Variants in APCDD1L observed in about 807,000 individuals in gnomAD.
APCDD1L encodes the protein APC down-regulated 1 like.
Under a neutral mutation model 24.2 loss-of-function variants are expected in APCDD1L, and 21 were observed. The ratio of observed to expected loss-of-function variants is 0.87; its 90% CI spans 0.61 to 1.25. APCDD1L has a LOEUF of 1.25. Among genes scored for constraint, APCDD1L ranks in the 50% most tolerant of loss-of-function variants. The probability of loss-of-function intolerance (pLI) is 0.00; values close to 1 mark genes in which losing one functional copy is unlikely to be tolerated. For missense variants in APCDD1L, 704 were observed against 711.7 expected (o/e 0.99, Z 0.12); for synonymous variants, 321 against 323.6 (o/e 0.99, Z 0.09).
intron 2 of APCDD1L, among the ~76,000 whole-genome samples, chr20:58,469,824 A>G (rs962037242): frequency 2.0e-5 from 3 of 152,234 alleles, no homozygotes; most frequent in African/African-American, 7.2e-5. Context: ...CCTTGACCCC[A>G]GAATGGGACT....
intron 1 of APCDD1L, among the ~76,000 whole-genome samples, chr20:58,512,135 G>T (rs541691832): frequency 3.3e-5 from 5 of 152,192 alleles, no homozygotes; most frequent in Non-Finnish European, 5.9e-5. Flanking sequence ...GCCGCCATGC[G>T]GACATGTTCA....
At position 58,497,673 on chromosome 20, in the gene APCDD1L, T is replaced by G. The variant is rs1190965616; in HGVS notation, c.49+16986A>C. Among the ~76,000 whole-genome samples, 1 of 152,102 alleles carries G rather than the reference T, an allele frequency of 6.6e-6. No homozygotes were observed. Among genetic ancestry groups the G allele is most frequent in the Non-Finnish European group, 1.5e-5 (1 of 68,018 alleles). The stretch of plus-strand genomic sequence containing the variant: ...CCACCTGAATGGCCTCATTTTAACT[T>G]GATGACCTCTGCAAAGACCCTGTCT... On this transcript the variant is annotated intron_variant, in intron 1 of 3. Coordinates refer to ENST00000371149, the MANE Select transcript of APCDD1L (RefSeq NM_153360.3). The surrounding 1 kb of genome is among the most constrained non-coding windows in gnomAD (Gnocchi z 4.3).
chr20:58,506,144 C>T (rs1390503495), intron 1 of APCDD1L, among the ~76,000 whole-genome samples: 10 of 152,124 alleles, frequency 6.6e-5, no homozygotes, highest in Admixed American at 5.9e-4. Flanking sequence ...CACCTAGTAC[C>T]GTCCTAGCCA....
In APCDD1L at chr20:58,471,697, A is replaced by C. The variant is rs143099167; in HGVS notation, c.50-950T>G. Among the ~76,000 whole-genome samples the C allele has an allele frequency of 1.9e-3, 289 of 152,334 alleles. 9 individuals are homozygous for C. In the South Asian group the frequency reaches 0.031, roughly 16 times the overall value. On this transcript the variant is annotated intron_variant, in intron 1 of 3. Coordinates refer to ENST00000371149, the MANE Select transcript of APCDD1L (RefSeq NM_153360.3). Reference sequence around the variant, plus strand: ...GCTCTCCCAGAAACTGTCATCTCCAATCAGGGCTGATGGGCTTGAGATGGC... The same window carrying C: ...GCTCTCCCAGAAACTGTCATCTCCACTCAGGGCTGATGGGCTTGAGATGGC...
Position 58,494,032 on chromosome 20 carries a change from G to T in APCDD1L, c.49+20627C>A, listed in dbSNP as rs982728980. The stretch of plus-strand genomic sequence containing the variant: ...TTACAATAAAGTGAGCTAGAGAAAA[G>T]GTTATTGACAAAATCATAAGGAAGA... On this transcript the variant is annotated intron_variant, in intron 1 of 3. Coordinates refer to ENST00000371149, the MANE Select transcript of APCDD1L (RefSeq NM_153360.3). The surrounding 1 kb of genome is among the most constrained non-coding windows in gnomAD (Gnocchi z 4.8). Among the ~76,000 whole-genome samples, 6 of 152,130 alleles carry T rather than the reference G, an allele frequency of 3.9e-5. No homozygotes were observed. The highest frequency in any genetic ancestry group is 6.5e-5 in the Admixed American group (1 of 15,288).
chr20:58,472,580 A>G (rs997788254), intron 1 of APCDD1L, among the ~76,000 whole-genome samples: 4 of 152,244 alleles, frequency 2.6e-5, no homozygotes, highest in Non-Finnish European at 5.9e-5. Flanking sequence ...GTATGAGTAC[A>G]AATGCTGGTG....
At position 58,515,153 on chromosome 20, in the gene APCDD1L, G is replaced by A. The variant is rs1476732181; in HGVS notation, c.-446C>T. 6 of 175,956 alleles carry A rather than the reference G, an allele frequency of 3.4e-5. No homozygotes were observed. Among genetic ancestry groups the A allele is most frequent in the Non-Finnish European group, 5.9e-5 (5 of 84,450 alleles). 10.9% of individuals were successfully genotyped at this position (175,956 alleles called of 1,614,324 possible). A position where few individuals can be genotyped will look rare whatever the true frequency, so the allele number is the denominator to read the frequency against. On this transcript the variant is annotated 5_prime_UTR_variant, in exon 1 of 4. Coordinates refer to ENST00000371149, the MANE Select transcript of APCDD1L (RefSeq NM_153360.3). ...TTGCGTCAAAGCGCACCCCTAGCCA[G>A]GCCGTTCCCTGGAAGGGCAAGCGGG...
chr20:58,496,629 C>T (rs915630181), intron 1 of APCDD1L, among the ~76,000 whole-genome samples: 1 of 152,320 alleles, frequency 6.6e-6, no homozygotes, highest in East Asian at 1.9e-4. Context: ...AAGGAAGACA[C>T]AGAGCTAATG....
intron 1 of APCDD1L, among the ~76,000 whole-genome samples, chr20:58,471,529 A>G (rs896949328): frequency 6.6e-6 from 1 of 152,194 alleles, no homozygotes; most frequent in African/African-American, 2.4e-5. Flanking sequence ...GCTGCAGCAC[A>G]AGCTCCAGGT....
Position 58,461,743 on chromosome 20 carries a change from T to C in APCDD1L, c.742-189A>G, listed in dbSNP as rs1459531614. ...CCTTGCTTCAGCCAGGATGGCCTCC[T>C]TGATGGAGGTCAGCCCCTGTATCCC... On this transcript the variant is annotated intron_variant, in intron 3 of 3. Coordinates refer to ENST00000371149, the MANE Select transcript of APCDD1L (RefSeq NM_153360.3). This position sits in a 1 kb window ranked among gnomAD's most constrained non-coding sequence, Gnocchi z 6.0. 9.9e-6 allele frequency: 5 copies of C among 503,994 alleles called. No individual in the cohort carries two copies. Among genetic ancestry groups the C allele is most frequent in the Admixed American group, 4.0e-5 (1 of 25,200 alleles). 31.2% of individuals were successfully genotyped at this position (503,994 alleles called of 1,614,324 possible).
chr20:58,489,452 G>T (rs751597193), intron 1 of APCDD1L, among the ~76,000 whole-genome samples: 8 of 152,254 alleles, frequency 5.3e-5, no homozygotes, highest in Non-Finnish European at 1.0e-4. Context: ...GGGAGGCCAA[G>T]GCAGGCGGAT....
At chr20:58,482,403 C>T (rs1417225004) in intron 1 of APCDD1L, among the ~76,000 whole-genome samples, 1 of 152,098 alleles carries the variant, frequency 6.6e-6, no homozygotes, top group Admixed American at 6.5e-5. Flanking sequence ...AATAGAATCC[C>T]AAAGACGCAA....
At chr20:58,514,414 CAG>C (rs1990696920) in intron 1 of APCDD1L, among the ~76,000 whole-genome samples, 2 of 152,218 alleles carry the variant, frequency 1.3e-5, no homozygotes. Context: ...CCGACTGGCG[CAG>C]AGAGTGCAGC....
intron 1 of APCDD1L, among the ~76,000 whole-genome samples, chr20:58,506,560 G>A (rs1990531076): frequency 6.6e-6 from 1 of 152,352 alleles, no homozygotes; most frequent in African/African-American, 2.4e-5. Context: ...GAGGCATGGA[G>A]GGATTAAGTG....
In APCDD1L at chr20:58,461,048, C is replaced by T. The variant is rs1422406858; in HGVS notation, c.1248G>A (p.Met416Ile). 4 of 1,613,978 alleles carry T rather than the reference C, an allele frequency of 2.5e-6. No homozygotes were observed. In the South Asian group the frequency reaches 3.3e-5, roughly 13 times the overall value. The change falls in exon 4 of 4, where the codon ATG (methionine) becomes ATA (isoleucine). Residue 416 changes from methionine to isoleucine, a missense_variant. Transcript: ENST00000371149. The surrounding 1 kb of genome is among the most constrained non-coding windows in gnomAD (Gnocchi z 6.0). Reference protein sequence around the residue: ...LPHVEYELFKMEQDPLGQSLL... With the variant: ...LPHVEYELFKIEQDPLGQSLL... ...GGCTTTGCCCGAGGGGGTCTTGTTC[C>T]ATCTTGAAAAGCTCGTACTCCACAT...
intron 1 of APCDD1L, 90 bp from the exon 2 acceptor site, chr20:58,470,837 A>G: frequency 6.8e-7 from 1 of 1,461,244 alleles, no homozygotes; most frequent in Non-Finnish European, 9.0e-7. Context: ...GGCCACAGAG[A>G]GCCAGGCAGG....
In APCDD1L at chr20:58,463,894, T is replaced by TTG. The variant is rs1491147308; in HGVS notation, c.742-2341_742-2340insCA. Among the ~76,000 whole-genome samples the TTG allele has an allele frequency of 3.4e-3, 176 of 52,422 alleles. 8 individuals carry two copies. Among genetic ancestry groups the TTG allele is most frequent in the Admixed American group, 0.031 (140 of 4,564 alleles). 34.4% of individuals were successfully genotyped at this position (52,422 alleles called of 152,430 possible). On this transcript the variant is annotated intron_variant, in intron 3 of 3. Coordinates refer to ENST00000371149, the MANE Select transcript of APCDD1L (RefSeq NM_153360.3). ...TGGATGATTGAGAACAGTTTTTTTT[T>TTG]GGGGGGGGGGGGCGTCACATTTTAT...
chr20:58,510,697 A>C (rs1343636705), intron 1 of APCDD1L, among the ~76,000 whole-genome samples: 2 of 152,208 alleles, frequency 1.3e-5, no homozygotes, highest in Non-Finnish European at 2.9e-5. Flanking sequence ...CCCATTCTGC[A>C]GATAAGGAAA....
chr20:58,504,015 A>G (rs1007130944), intron 1 of APCDD1L, among the ~76,000 whole-genome samples: 2 of 152,334 alleles, frequency 1.3e-5, no homozygotes, highest in Non-Finnish European at 1.5e-5. Context: ...GTGGAGATGA[A>G]GCACCTTGAC....
Sources: gnomAD v4.1 joint callset for allele counts (sites outside exome capture counted in the v4.1 genomes callset) on GRCh38, gnomAD v4.1.1 for gene constraint, Gnocchi (gnomAD v3.1) non-coding constraint, MANE v1.5 for transcripts, NCBI Gene and HGNC (gene_info 2026-07-23, HGNC 2026-07-21) for gene names.